The following ATP11C variants were observed in gnomAD, a reference collection of about 807,000 sequenced individuals.
The protein encoded by ATP11C is phospholipid-transporting ATPase IG.
Under a neutral mutation model 97.4 loss-of-function variants are expected in ATP11C, and 36 were observed. That is an observed-to-expected ratio of 0.37 (90% CI 0.28 to 0.49). The LOEUF is 0.49. ATP11C is among the 20% of genes least tolerant of loss of function. The pLI is 0.98. For synonymous variants in ATP11C, 275 were observed against 290.9 expected, an observed-to-expected ratio of 0.95 and a Z score of 0.56; for missense variants, 730 against 824.6, an observed-to-expected ratio of 0.89 and a Z score of 1.40.
upstream of ATP11C, among the ~76,000 whole-genome samples, chrX:139,936,086 C>G (rs1247723586): frequency 3.6e-5 from 4 of 110,486 alleles, no homozygotes; most frequent in Non-Finnish European, 5.7e-5. Flanking sequence ...TCGCTTGAGT[C>G]CAGGAGTTTG....
intron 1 of ATP11C, among the ~76,000 whole-genome samples, chrX:139,868,696 C>A (rs1203761337): frequency 9.4e-6 from 1 of 106,298 alleles, no homozygotes; most frequent in African/African-American, 3.5e-5. Flanking sequence ...CACTGCACTC[C>A]AGCCTGGGTG....
rs1407181062 is a variant in ATP11C, at chrX:139,774,696, A to C, written c.2210T>G (p.Phe737Cys). The C allele has an allele frequency of 1.7e-6, 2 of 1,202,769 alleles. No individual in the cohort carries two copies. The highest frequency in any genetic ancestry group is 3.5e-5 in the African/African-American group (2 of 57,146). The change falls in exon 19 of 30, where the codon TTT becomes TGT. Residue 737 changes from phenylalanine (F) to cysteine (C), a missense_variant. Physicochemically the swap from Phe to Cys is radical, Grantham distance 205. Transcript: ENST00000682941. The stretch of plus-strand genomic sequence containing the variant: ...AACTGATGTACTTTCTTACTTTTTA[A>C]AGCTTCTAGTACTTTTAGGAAACTC... ...LHEFPKSTRS[F>C]KKAWTEHQEY...
intron 1 of ATP11C, among the ~76,000 whole-genome samples, chrX:139,928,287 C>G (rs1198546918): frequency 8.9e-6 from 1 of 111,747 alleles, no homozygotes; most frequent in Non-Finnish European, 1.9e-5. Context: ...ATACACAGAC[C>G]ATTTGTAATA....
At chrX:139,801,573 A>C (rs911108343) in intron 7 of ATP11C, among the ~76,000 whole-genome samples, 1 of 111,904 alleles carries the variant, frequency 8.9e-6, no homozygotes, top group African/African-American at 3.2e-5. Flanking sequence ...AATAGGATAA[A>C]ATTAATTAGC....
chrX:139,895,271 GTTTT>G (rs1215075718), intron 1 of ATP11C, among the ~76,000 whole-genome samples: 19 of 108,932 alleles, frequency 1.7e-4, no homozygotes, highest in African/African-American at 5.6e-4. Context: ...TTTAGAATAA[GTTTT>G]TTTTTTATTT....
chrX:139,736,009 A>G (rs2148615022), intron 28 of ATP11C, among the ~76,000 whole-genome samples: 1 of 112,027 alleles, frequency 8.9e-6, no homozygotes, highest in Non-Finnish European at 1.9e-5. Flanking sequence ...GTTCTAGCAT[A>G]TCAGCATGCC....
At chrX:139,909,708 T>G (rs1289655601) in intron 1 of ATP11C, among the ~76,000 whole-genome samples, 1 of 111,929 alleles carries the variant, frequency 8.9e-6, no homozygotes, top group African/African-American at 3.2e-5. Flanking sequence ...ACGTGGGATC[T>G]CTCTGCATTT....
chrX:139,773,955 G>A (rs768401875), intron 19 of ATP11C, among the ~76,000 whole-genome samples: 45 of 112,390 alleles, frequency 4.0e-4, no homozygotes, highest in African/African-American at 1.4e-3. Context: ...AACATAAAGT[G>A]TGCTTAAGAA....
chrX:139,780,635 T>C (rs927872100), intron 18 of ATP11C, among the ~76,000 whole-genome samples: 3 of 111,040 alleles, frequency 2.7e-5, no homozygotes, highest in Non-Finnish European at 5.7e-5. Context: ...GCATTTCCCC[T>C]AAAAACTGGA....
chrX:139,858,106 T>C (rs1473861330), intron 1 of ATP11C, among the ~76,000 whole-genome samples: 2 of 113,051 alleles, frequency 1.8e-5, no homozygotes, highest in East Asian at 5.6e-4. Context: ...CCTTCTGCCA[T>C]GGGGCAACTC....
At chrX:139,889,621 C>T (rs998018195) in intron 1 of ATP11C, among the ~76,000 whole-genome samples, 1 of 111,690 alleles carries the variant, frequency 9.0e-6, no homozygotes, top group African/African-American at 3.3e-5. Context: ...AAAGTAACAA[C>T]CTCGAAAGAG....
chrX:139,774,766 G>A lies in ATP11C; in HGVS notation c.2140C>T (p.Arg714Ter). Residue 714 changes from arginine (R) to a stop codon, truncating the protein, a stop_gained, in exon 19 of 30, where the codon CGA (arginine) becomes TGA (stop). Transcript: ENST00000682941. LOFTEE classifies it high-confidence loss of function. ...TATTCTATCAATAATTCATGTAATC[G>A]ATCTTCTTTCCTTTCACTTTCTTCA... The part of the protein sequence containing the change: ...TIEESERKED[R>*]LHELLIEYRK... The A allele has an allele frequency of 3.3e-6, 4 of 1,210,331 alleles. No homozygotes were observed. Among genetic ancestry groups the A allele is most frequent in the South Asian group, 1.8e-5 (1 of 56,947 alleles).
intron 1 of ATP11C, among the ~76,000 whole-genome samples, chrX:139,917,345 A>C (rs2085170197): frequency 8.9e-6 from 1 of 112,150 alleles, no homozygotes; most frequent in Non-Finnish European, 1.9e-5. Flanking sequence ...AGACTACATC[A>C]AACTTTAATA....
intron 1 of ATP11C, among the ~76,000 whole-genome samples, chrX:139,916,590 C>T (rs1302552158): frequency 9.0e-6 from 1 of 111,128 alleles, no homozygotes; most frequent in Non-Finnish European, 1.9e-5. Context: ...GAACAGCTTC[C>T]TTAGGGAAGT....
chrX:139,815,083 T>A (rs1241504233), intron 4 of ATP11C, 98 bp from the exon 5 acceptor site: 1 of 446,005 alleles, frequency 2.2e-6, no homozygotes, highest in Non-Finnish European at 3.8e-6. Flanking sequence ...CAAATATTTA[T>A]AATTATAGCA....
rs1008271068 is a variant in ATP11C at position 139,832,101 on chromosome X, A to G, written c.28-5278T>C. The G allele has an allele frequency of 1.0e-5, 12 of 1,158,409 alleles. No individual in the cohort carries two copies. The African/African-American group carries it at 2.2e-4, about 21-fold the overall frequency. On this transcript the variant is annotated intron_variant, in intron 1 of 29. Transcript: ENST00000682941. ...AAGCAGGAATAAAGCAGGCCCCAAG[A>G]CCTCAAAACCCAACCTGGCTGAAAA...
intron 6 of ATP11C, among the ~76,000 whole-genome samples, 170 bp downstream of exon 6, chrX:139,804,301 G>A (rs930053071): frequency 3.6e-5 from 4 of 111,085 alleles, no homozygotes; most frequent in African/African-American, 9.8e-5. Context: ...ACCCAAACAC[G>A]AGTGTTTGCT....
chrX:139,790,590 T>C (rs1339444440), intron 12 of ATP11C, among the ~76,000 whole-genome samples: 1 of 111,007 alleles, frequency 9.0e-6, no homozygotes, highest in African/African-American at 3.3e-5. Flanking sequence ...CAGAAACTGA[T>C]GAAGGTTTTT....
At chrX:139,895,749 G>A (rs892288588) in intron 1 of ATP11C, among the ~76,000 whole-genome samples, 7 of 111,709 alleles carry the variant, frequency 6.3e-5, no homozygotes, top group Admixed American at 1.9e-4. Context: ...TATAGTAGAC[G>A]CATCTAAACA....
Sources: gnomAD v4.1 joint callset for allele counts (sites outside exome capture counted in the v4.1 genomes callset) on GRCh38, gnomAD v4.1.1 for gene constraint, MANE v1.5 for transcripts, NCBI Gene and HGNC (gene_info 2026-07-23, HGNC 2026-07-21) for gene names.